Variants in ATF7IP2 observed in about 807,000 individuals in gnomAD.
ATF7IP2 encodes the protein activating transcription factor 7-interacting protein 2.
Under a neutral mutation model 64.2 loss-of-function variants are expected in ATF7IP2, and 42 were observed. The observed-to-expected ratio is 0.65, with a 90% confidence interval of 0.51 to 0.85. ATF7IP2 has a LOEUF of 0.85. Ranked by LOEUF, ATF7IP2 falls within the 40% of genes least tolerant of loss-of-function variation. The pLI, the probability that ATF7IP2 is intolerant of heterozygous loss-of-function variation, is 0.00. For synonymous variants in ATF7IP2, 308 were observed against 272.8 expected, an observed-to-expected ratio of 1.13 and a Z score of -1.27; for missense variants, 933 against 784.2, an observed-to-expected ratio of 1.19 and a Z score of -2.27.
intron 8 of ATF7IP2, among the ~76,000 whole-genome samples, chr16:10,452,208 T>A (rs1157607602): frequency 6.6e-6 from 1 of 152,230 alleles, no homozygotes; most frequent in Non-Finnish European, 1.5e-5. Context: ...CGTTCTTGTT[T>A]TTGGAATTTT....
intron 9 of ATF7IP2, among the ~76,000 whole-genome samples, chr16:10,459,044 C>T (rs200535766): frequency 8.0e-6 from 1 of 124,480 alleles, no homozygotes; most frequent in East Asian, 2.6e-4. Context: ...AATAATAATA[C>T]AAAAATTGGC....
intron 12 of ATF7IP2, among the ~76,000 whole-genome samples, chr16:10,475,722 G>GAAAAAAAAAAAAAAAAAAAAAAAAA: frequency 4.8e-5 from 2 of 41,642 alleles, no homozygotes; most frequent in Non-Finnish European, 8.0e-5. Flanking sequence ...TAAGAAGCCA[G>GAAAAAAAAAAAAAAAAAAAAAAAAA]AAAAAAAAAA....
chr16:10,412,031 T>G (rs1251011286), intron 1 of ATF7IP2, among the ~76,000 whole-genome samples: 14 of 144,694 alleles, frequency 9.7e-5, no homozygotes, highest in South Asian at 4.3e-4. Flanking sequence ...TTTTTTTTTT[T>G]TTTTTTTTAC....
intron 12 of ATF7IP2, among the ~76,000 whole-genome samples, chr16:10,475,724 A>G (rs1310303921): frequency 0.024 from 1,173 of 48,012 alleles, 32 homozygotes; most frequent in Admixed American, 0.14. Context: ...AGAAGCCAGA[A>G]AAAAAAAAAA....
intron 9 of ATF7IP2, among the ~76,000 whole-genome samples, chr16:10,469,509 A>G (rs1337989375): frequency 6.6e-6 from 1 of 152,166 alleles, no homozygotes; most frequent in Non-Finnish European, 1.5e-5. Context: ...AGATTGCTGA[A>G]AGTCAGTGAG....
intron 3 of ATF7IP2, among the ~76,000 whole-genome samples, chr16:10,421,772 T>C (rs2047992740): frequency 6.6e-6 from 1 of 152,248 alleles, no homozygotes; most frequent in African/African-American, 2.4e-5. Context: ...GTAGATTCAA[T>C]TGCTTGCCCT....
intron 8 of ATF7IP2, chr16:10,448,254 G>A (rs992046309): frequency 1.3e-5 from 2 of 152,086 alleles, no homozygotes; most frequent in Non-Finnish European, 2.9e-5. Context: ...TGGCTATATG[G>A]GCTCTTTTTT....
In ATF7IP2 at chr16:10,481,919, A is replaced by C. The variant is rs200248862; in HGVS notation, c.1719A>C (p.Thr573=). Residue 573 remains threonine (T), a synonymous_variant, in exon 14 of 14, where the codon ACA becomes ACC. Transcript: ENST00000562102. The stretch of plus-strand genomic sequence containing the variant: ...AATTAGTAGACAAAACCCGAGACAC[A>C]CTTCCTCCCCAGAAGCCTGAGCTCA... ...LPELVDKTRD[T]LPPQKPELKV... 1 of 1,614,002 alleles carries C rather than the reference A, an allele frequency of 6.2e-7. No homozygotes were observed. Among genetic ancestry groups the C allele is most frequent in the Admixed American group, 1.7e-5 (1 of 59,968 alleles).
chr16:10,474,773 T>C (rs1474216136), intron 12 of ATF7IP2, among the ~76,000 whole-genome samples: 1 of 151,944 alleles, frequency 6.6e-6, no homozygotes, highest in African/African-American at 2.4e-5. Context: ...AGGAGAAAAA[T>C]GAAGATACAA....
rs2048212069 is a variant in ATF7IP2 at position 10,430,607 on chromosome 16, C to G, written c.-10-4C>G. The G allele has an allele frequency of 6.4e-7, 1 of 1,565,310 alleles. No homozygotes were observed. Among genetic ancestry groups the G allele is most frequent in the Non-Finnish European group, 8.7e-7 (1 of 1,145,282 alleles). On this transcript the variant is annotated splice_polypyrimidine_tract_variant and splice_region_variant and intron_variant, in intron 4 of 13. Transcript: ENST00000562102. ...GCATTTAAATATGATGTCTTAAATT[C>G]CAGGATATGAAAGATGGCAAGTCCA...
At chr16:10,428,412 G>C (rs1362276552) in intron 3 of ATF7IP2, among the ~76,000 whole-genome samples, 1 of 152,136 alleles carries the variant, frequency 6.6e-6, no homozygotes, top group Non-Finnish European at 1.5e-5. Flanking sequence ...CACGTGGTTG[G>C]ATGTTTTCAT....
intron 7 of ATF7IP2, among the ~76,000 whole-genome samples, chr16:10,439,066 AAT>A (rs1555509422): frequency 6.6e-6 from 1 of 151,498 alleles, no homozygotes. Flanking sequence ...AAAAAAAAAA[AAT>A]AGGCAGTTTC....
rs1596618495 is a variant in ATF7IP2 at position 10,472,280 on chromosome 16, A to G, written c.1426+97A>G. On this transcript the variant is annotated intron_variant, in intron 10 of 13. Transcript: ENST00000562102. ...AAAATTGAATAATATCTTTTAATAA[A>G]ATGAAAAAGTTAAATGTACTCTCAA... The G allele has an allele frequency of 7.0e-6, 4 of 569,368 alleles. No individual in the cohort carries two copies. In the Middle Eastern group the frequency reaches 1.4e-3, roughly 205 times the overall value. The allele number at this position is 569,368 out of a possible 1,614,324, so 35.3% of individuals were successfully genotyped here.
At chr16:10,475,091 A>G (rs1374847323) in intron 12 of ATF7IP2, among the ~76,000 whole-genome samples, 2 of 152,240 alleles carry the variant, frequency 1.3e-5, no homozygotes, top group African/African-American at 4.8e-5. Context: ...GACCTTTGCT[A>G]TCAGAAATAA....
At chr16:10,437,064 A>T (rs1420753483) in intron 6 of ATF7IP2, among the ~76,000 whole-genome samples, 1 of 147,224 alleles carries the variant, frequency 6.8e-6, no homozygotes, top group East Asian at 2.0e-4. Flanking sequence ...TCAATCACCC[A>T]GGCCTGGAGT....
intron 9 of ATF7IP2, among the ~76,000 whole-genome samples, chr16:10,457,825 T>C (rs1432122995): frequency 6.6e-6 from 1 of 152,098 alleles, no homozygotes; most frequent in Non-Finnish European, 1.5e-5. Flanking sequence ...ATCTTCCACC[T>C]CAGCCTCCCA....
At chr16:10,456,122 G>A (rs759465168) in intron 8 of ATF7IP2, among the ~76,000 whole-genome samples, 9 of 152,120 alleles carry the variant, frequency 5.9e-5, no homozygotes, top group Non-Finnish European at 1.2e-4. Context: ...TGGGATTACC[G>A]GGGTGTATGA....
At chr16:10,461,098 A>G (rs914516586) in intron 9 of ATF7IP2, among the ~76,000 whole-genome samples, 1 of 152,218 alleles carries the variant, frequency 6.6e-6, no homozygotes, top group South Asian at 2.1e-4. Context: ...AAAGGTGTTT[A>G]TCTTCATTAG....
chr16:10,410,357 GT>G (rs1438025449), intron 1 of ATF7IP2, among the ~76,000 whole-genome samples: 1 of 138,566 alleles, frequency 7.2e-6, no homozygotes, highest in Non-Finnish European at 1.5e-5. Context: ...GTTTTGTTTT[GT>G]TTTTGTTTTT....
Sources: allele counts gnomAD v4.1 joint callset (sites outside exome capture counted in the v4.1 genomes callset), GRCh38; gene constraint gnomAD v4.1.1; transcripts MANE v1.5; gene names NCBI Gene and HGNC (gene_info 2026-07-23, HGNC 2026-07-21).